DPY19L4: variants seen among roughly 807,000 people sequenced by gnomAD.
DPY19L4 encodes the protein dpy-19 like 4, also known as probable C-mannosyltransferase DPY19L4.
A neutral mutation model predicts 102.8 loss-of-function variants in DPY19L4; 97 were observed. The observed-to-expected ratio is 0.94, with a 90% confidence interval of 0.80 to 1.12. The LOEUF (loss-of-function observed/expected upper bound fraction) is 1.12, where lower values mean the gene tolerates loss of function less well. DPY19L4 is among the 50% of genes most tolerant of loss of function. DPY19L4 has a pLI of 0.00. For missense variants in DPY19L4, 815 were observed against 850.4 expected (o/e 0.96, Z 0.52); for synonymous variants, 252 against 283.1 (o/e 0.89, Z 1.10).
chr8:94,722,007 GC>G (rs1398852669), intron 1 of DPY19L4, among the ~76,000 whole-genome samples: 1 of 152,190 alleles, frequency 6.6e-6, no homozygotes, highest in East Asian at 1.9e-4. Flanking sequence ...TACTCAGGAG[GC>G]TGAGATAGGA....
At chr8:94,744,249 A>G (rs1041215764) in intron 6 of DPY19L4, 19 of 419,248 alleles carry the variant, frequency 4.5e-5, no homozygotes, top group Non-Finnish European at 8.5e-5. Context: ...ATCTGCTTCC[A>G]AGCTCACTCA....
Position 94,739,659 on chromosome 8 carries a change from A to G in DPY19L4, c.480A>G (p.Pro160=). 6.2e-7 allele frequency: 1 copy of G among 1,613,924 alleles called. No homozygotes were observed. The highest frequency in any genetic ancestry group is 8.5e-7 in the Non-Finnish European group (1 of 1,179,938). ...TTTCCACATAGGAGATTATTGAGCC[A>G]GTGTATTTCTATATTGGCATTGTTT... is the stretch of plus-strand genomic sequence containing the variant. The part of the protein sequence containing the change: ...QATGSNEIIE[P]VYFYIGIVFG... Residue 160 remains proline, a synonymous_variant, in exon 6 of 19, where the codon CCA becomes CCG. Transcript: ENST00000414645.
intron 1 of DPY19L4, among the ~76,000 whole-genome samples, chr8:94,724,046 GATTT>G (rs1341978858): frequency 1.3e-5 from 2 of 152,206 alleles, no homozygotes; most frequent in Non-Finnish European, 2.9e-5. Flanking sequence ...CCTGTAAAGC[GATTT>G]ATTTGATAAA....
Position 94,790,797 on chromosome 8 carries a change from G to T in DPY19L4, c.*887G>T, listed in dbSNP as rs1217101273. The T allele has an allele frequency of 6.6e-6, 1 of 151,858 alleles. No homozygotes were observed. The highest frequency in any genetic ancestry group is 1.9e-4 in the East Asian group (1 of 5,188). The allele number at this position is 151,858 out of a possible 1,614,324, so 9.4% of individuals were successfully genotyped here. ...AATCATTATCAGAATAAAAATATGT[G>T]TTCTAAAATTAGCAACAATTTCTGG... On this transcript the variant is annotated 3_prime_UTR_variant, in exon 19 of 19. Coordinates refer to ENST00000414645, the MANE Select transcript of DPY19L4 (RefSeq NM_181787.3).
In DPY19L4 at chr8:94,756,069, T is replaced by C. The variant is rs1372991635; in HGVS notation, c.645T>C (p.Pro215=). The change falls in exon 7 of 19, where the codon CCT becomes CCC. Residue 215 remains proline (P), a synonymous_variant. Transcript: ENST00000414645. ...CAACAAGAATTGAATACTCCATTCC[T>C]TTAAGAGAAAACTGGGCACTACCAT... is the stretch of plus-strand genomic sequence containing the variant. ...VDTTRIEYSI[P]LRENWALPYF... is the part of the protein sequence containing the mutation. The C allele has an allele frequency of 6.2e-7, 1 of 1,613,016 alleles. No individual in the cohort carries two copies. The highest frequency in any genetic ancestry group is 8.5e-7 in the Non-Finnish European group (1 of 1,179,884).
chr8:94,723,343 G>A (rs1810553639), intron 1 of DPY19L4, among the ~76,000 whole-genome samples: 1 of 152,038 alleles, frequency 6.6e-6, no homozygotes, highest in Non-Finnish European at 1.5e-5. Context: ...CGTAGTGGCG[G>A]ATGCCTGTAA....
chr8:94,726,780 C>T (rs1313481955), intron 2 of DPY19L4, among the ~76,000 whole-genome samples: 1 of 152,072 alleles, frequency 6.6e-6, no homozygotes, highest in Non-Finnish European at 1.5e-5. Flanking sequence ...ATCACTTGTA[C>T]GCACCTTTTA....
At chr8:94,730,465 G>T (rs1001923094) in intron 2 of DPY19L4, among the ~76,000 whole-genome samples, 1 of 152,008 alleles carries the variant, frequency 6.6e-6, no homozygotes, top group Non-Finnish European at 1.5e-5. Context: ...ATTTAGTAAT[G>T]CTGGGCGTGG....
intron 13 of DPY19L4, among the ~76,000 whole-genome samples, chr8:94,776,169 A>T (rs1303556560): frequency 2.0e-5 from 3 of 151,142 alleles, no homozygotes; most frequent in Admixed American, 6.6e-5. Context: ...AGTAGCTGGG[A>T]CTACAGGCGC....
rs1367540838 is a variant in DPY19L4, at chr8:94,720,027, G to GT, written c.16+13_16+14insT. 6.5e-7 allele frequency: 1 copy of GT among 1,529,946 alleles called. No homozygotes were observed. The highest frequency in any genetic ancestry group is 1.4e-5 in the African/African-American group (1 of 70,336). 94.8% of individuals were successfully genotyped at this position (1,529,946 alleles called of 1,614,324 possible). A position where few individuals can be genotyped will look rare whatever the true frequency, so the allele number is the denominator to read the frequency against. ...GCGGAGGAAGAAGGTGATTGCCGCG[G>GT]GGTCCAGCGCGCCAACGGCTGCCAG... On this transcript the variant is annotated intron_variant, in intron 1 of 18. Transcript: ENST00000414645.
chr8:94,749,688 T>C (rs1168347332), intron 6 of DPY19L4, among the ~76,000 whole-genome samples: 1 of 152,182 alleles, frequency 6.6e-6, no homozygotes, highest in African/African-American at 2.4e-5. Context: ...TTTAGCCTTA[T>C]CTCAACCTAC....
chr8:94,744,371 C>T (rs1005939102), intron 6 of DPY19L4: 15 of 456,532 alleles, frequency 3.3e-5, no homozygotes, highest in Non-Finnish European at 6.6e-5. Flanking sequence ...AGCTGGTCTC[C>T]CTTACAGTGA....
intron 1 of DPY19L4, among the ~76,000 whole-genome samples, chr8:94,723,701 TCTTACAGTTTAATGCCA>T (rs1333158867): frequency 1.3e-5 from 2 of 152,194 alleles, no homozygotes; most frequent in Non-Finnish European, 2.9e-5. Context: ...TACTTTTGGC[TCTTACAGTTTAATGCCA>T]CTAAAATTGA....
intron 6 of DPY19L4, chr8:94,744,852 CTA>C: frequency 3.7e-6 from 1 of 272,562 alleles, no homozygotes. Flanking sequence ...CTGGTATATT[CTA>C]CTCAAATGTA....
At chr8:94,761,901 A>C in intron 8 of DPY19L4, 67 bp downstream of exon 8, 1 of 1,472,402 alleles carries the variant, frequency 6.8e-7, no homozygotes, top group Non-Finnish European at 9.0e-7. Context: ...GTATCTTAAA[A>C]CCTCTCTTTT....
intron 13 of DPY19L4, among the ~76,000 whole-genome samples, chr8:94,772,402 A>C (rs1423584356): frequency 1.3e-5 from 2 of 152,220 alleles, no homozygotes; most frequent in Non-Finnish European, 2.9e-5. Context: ...TAGGAAAGTC[A>C]TACTCAAGTT....
intron 3 of DPY19L4, among the ~76,000 whole-genome samples, chr8:94,738,111 G>C (rs1811267174): frequency 6.6e-6 from 1 of 151,540 alleles, no homozygotes; most frequent in South Asian, 2.1e-4. Context: ...GAGGTCAGGA[G>C]ATCGAAACCA....
Position 94,791,849 on chromosome 8 carries a change from G to A in DPY19L4, c.*1939G>A, listed in dbSNP as rs1348771299. 3 of 152,074 alleles carry A rather than the reference G, an allele frequency of 2.0e-5. No homozygotes were observed. Among genetic ancestry groups the A allele is most frequent in the Non-Finnish European group, 4.4e-5 (3 of 67,992 alleles). 9.4% of individuals were successfully genotyped at this position (152,074 alleles called of 1,614,324 possible). A position where few individuals can be genotyped will look rare whatever the true frequency, so the allele number is the denominator to read the frequency against. Reference sequence around the variant, plus strand: ...AATTGATCTGGAAAAATTGTTAATGGGATGTTTTAAATAATGAATTTTTCA... The same window carrying A: ...AATTGATCTGGAAAAATTGTTAATGAGATGTTTTAAATAATGAATTTTTCA... On this transcript the variant is annotated 3_prime_UTR_variant, in exon 19 of 19. Coordinates refer to ENST00000414645, the MANE Select transcript of DPY19L4 (RefSeq NM_181787.3).
In DPY19L4 at chr8:94,729,784, TCAC is replaced by T. The variant is rs1365755888; in HGVS notation, c.127+3344_127+3346del. Among the ~76,000 whole-genome samples the T allele has an allele frequency of 4.3e-3, 632 of 145,758 alleles. 6 individuals are homozygous for T. The highest frequency in any genetic ancestry group is 0.015 in the African/African-American group (599 of 39,258). ...AAGTGGTGTTTGCAGTGAGCCAGGA[TCAC>T]GCCACTGCACTCCAGCCTGGACGAT... On this transcript the variant is annotated intron_variant, in intron 2 of 18. Transcript: ENST00000414645.
Sources: gnomAD v4.1 joint callset for allele counts (sites outside exome capture counted in the v4.1 genomes callset) on GRCh38, gnomAD v4.1.1 for gene constraint, MANE v1.5 for transcripts, NCBI Gene and HGNC (gene_info 2026-07-23, HGNC 2026-07-21) for gene names.